Variants in NBEA observed in about 807,000 individuals in gnomAD.
NBEA encodes the protein lysosomal-trafficking regulator 2.
A neutral mutation model predicts 343.4 loss-of-function variants in NBEA; 44 were observed. That is an observed-to-expected ratio of 0.13 (90% CI 0.10 to 0.16). The LOEUF (loss-of-function observed/expected upper bound fraction) is 0.16, where lower values mean the gene tolerates loss of function less well. Among genes scored for constraint, NBEA ranks in the 10% least tolerant of loss-of-function variants. NBEA has a pLI of 1.00. For missense variants in NBEA, 2,555 were observed against 3,631.3 expected (o/e 0.70, Z 7.62); for synonymous variants, 1,175 against 1,238.7 (o/e 0.95, Z 1.08).
chr13:35,364,053 A>G (rs915599678), intron 38 of NBEA, among the ~76,000 whole-genome samples: 1 of 151,926 alleles, frequency 6.6e-6, no homozygotes, highest in Non-Finnish European at 1.5e-5. Flanking sequence ...GTCTACCAGG[A>G]AGTTGAAAAT....
chr13:35,594,796 T>A (rs1369876182), intron 47 of NBEA, among the ~76,000 whole-genome samples: 1 of 152,050 alleles, frequency 6.6e-6, no homozygotes, highest in Non-Finnish European at 1.5e-5. Flanking sequence ...TAAAAGGCAC[T>A]CAAATATTTT....
chr13:35,463,181 A>G (rs1483483879), intron 40 of NBEA, among the ~76,000 whole-genome samples: 1 of 152,232 alleles, frequency 6.6e-6, no homozygotes, highest in African/African-American at 2.4e-5. Context: ...GTAGTAAGAG[A>G]AAAGGAAAGA....
At chr13:35,663,833 G>A (rs2085219523) in intron 55 of NBEA, among the ~76,000 whole-genome samples, 1 of 152,208 alleles carries the variant, frequency 6.6e-6, no homozygotes, top group Non-Finnish European at 1.5e-5. Flanking sequence ...GTATTCAGAA[G>A]AAGATGGCAA....
intron 1 of NBEA, among the ~76,000 whole-genome samples, chr13:34,977,643 C>T (rs2060225656): frequency 2.6e-5 from 4 of 152,072 alleles, no homozygotes; most frequent in Admixed American, 2.6e-4. Context: ...AGAATAGATG[C>T]TAACATTAAT....
chr13:35,572,651 A>G (rs1045774352), intron 45 of NBEA, among the ~76,000 whole-genome samples: 4 of 152,176 alleles, frequency 2.6e-5, no homozygotes, highest in African/African-American at 9.7e-5. Context: ...TCTACCACAC[A>G]GAAAAGAGTT....
Position 34,942,782 on chromosome 13 carries a change from A to G in NBEA, c.-39A>G. 1.5e-6 allele frequency: 2 copies of G among 1,299,190 alleles called. No individual in the cohort carries two copies. The highest frequency in any genetic ancestry group is 2.0e-6 in the Non-Finnish European group (2 of 1,023,502). The allele number at this position is 1,299,190 out of a possible 1,614,324, so 80.5% of individuals were successfully genotyped here. ...CAGGTATAACGGTACCGGCGGCGGC[A>G]GCGCCGCTGCTCTTCCCTTCTCCTC... On this transcript the variant is annotated 5_prime_UTR_variant, in exon 1 of 59. Coordinates refer to ENST00000379939, the MANE Select transcript of NBEA (RefSeq NM_001385012.1).
At chr13:35,424,422 T>A (rs528406447) in intron 38 of NBEA, among the ~76,000 whole-genome samples, 1 of 152,344 alleles carries the variant, frequency 6.6e-6, no homozygotes, top group Admixed American at 6.5e-5. Context: ...GGTTTTTGTC[T>A]TTGGTTCTGT....
rs140381221 is a variant in NBEA at position 35,598,723 on chromosome 13, A to C, written c.7296+5276A>C. On this transcript the variant is annotated intron_variant, in intron 47 of 58. Coordinates refer to ENST00000379939, the MANE Select transcript of NBEA (RefSeq NM_001385012.1). Reference sequence around the variant, plus strand: ...CTGTGTAGCTGAGCAAGTCTGAAAAACACTACCTGAAATTTTAACTTTTAT... The same window carrying C: ...CTGTGTAGCTGAGCAAGTCTGAAAACCACTACCTGAAATTTTAACTTTTAT... Among the ~76,000 whole-genome samples, 556 of 152,260 alleles carry C rather than the reference A, an allele frequency of 3.7e-3. 1 individual carries two copies. Among genetic ancestry groups the C allele is most frequent in the African/African-American group, 0.013 (528 of 41,546 alleles).
At chr13:35,616,504 G>A (rs1407879734) in intron 48 of NBEA, among the ~76,000 whole-genome samples, 1 of 152,048 alleles carries the variant, frequency 6.6e-6, no homozygotes, top group Non-Finnish European at 1.5e-5. Flanking sequence ...TCAATACACA[G>A]GTTTTCTTTT....
In NBEA at chr13:35,098,723, C is replaced by T. The variant is rs895393598; in HGVS notation, c.1680+318C>T. On this transcript the variant is annotated intron_variant, in intron 11 of 58. Coordinates refer to ENST00000379939, the MANE Select transcript of NBEA (RefSeq NM_001385012.1). ...TCTCACTTTCTAAGGTGTCACTTACCCATGGTCAACTGCAGTTCAAAAATA... is the reference window on the plus strand; with the variant it reads ...TCTCACTTTCTAAGGTGTCACTTACTCATGGTCAACTGCAGTTCAAAAATA... Among the ~76,000 whole-genome samples, 8 of 152,126 alleles carry T rather than the reference C, an allele frequency of 5.3e-5. No individual in the cohort carries two copies. In the East Asian group the frequency reaches 1.4e-3, roughly 26 times the overall value.
chr13:35,570,266 C>G (rs1401702447), intron 45 of NBEA, among the ~76,000 whole-genome samples: 1 of 152,160 alleles, frequency 6.6e-6, no homozygotes, highest in East Asian at 1.9e-4. Context: ...GAACTCCTGA[C>G]CTTGTGATCT....
intron 17 of NBEA, among the ~76,000 whole-genome samples, chr13:35,137,297 A>G (rs1373770717): frequency 6.6e-6 from 1 of 152,090 alleles, no homozygotes; most frequent in East Asian, 1.9e-4. Context: ...AAAAATACAA[A>G]CAATTAGCTG....
In NBEA at chr13:35,155,858, G is replaced by A. The variant is rs762561108; in HGVS notation, c.2527+3G>A. The stretch of plus-strand genomic sequence containing the variant: ...TACAGTGAAAATTCAGAATCCAAGT[G>A]AGCAAATGGCAGTTCTTTACTGTAT... On this transcript the variant is annotated splice_donor_region_variant and intron_variant, in intron 19 of 58. Coordinates refer to ENST00000379939, the MANE Select transcript of NBEA (RefSeq NM_001385012.1). 8 of 1,608,464 alleles carry A rather than the reference G, an allele frequency of 5.0e-6. No individual in the cohort carries two copies. In the South Asian group the frequency reaches 7.7e-5, roughly 15 times the overall value.
intron 49 of NBEA, among the ~76,000 whole-genome samples, chr13:35,642,330 T>C (rs1287486504): frequency 6.6e-6 from 1 of 152,198 alleles, no homozygotes; most frequent in Non-Finnish European, 1.5e-5. Flanking sequence ...GATAGCATAT[T>C]TTACTTATTA....
chr13:35,635,607 A>C (rs2083659306), intron 49 of NBEA, among the ~76,000 whole-genome samples: 2 of 152,244 alleles, frequency 1.3e-5, no homozygotes, highest in Non-Finnish European at 2.9e-5. Context: ...TGGGAACATG[A>C]AAAATACCAT....
In NBEA at chr13:35,096,944, T is replaced by A. The variant is rs1157705842; in HGVS notation, c.1572-1353T>A. ...TTAAGGACAAAGTAAAAGAATATCATTGATTTGTGATAGTTTACTTTTTTT... is the reference window on the plus strand; with the variant it reads ...TTAAGGACAAAGTAAAAGAATATCAATGATTTGTGATAGTTTACTTTTTTT... On this transcript the variant is annotated intron_variant, in intron 10 of 58. Transcript: ENST00000379939. Among the ~76,000 whole-genome samples the A allele has an allele frequency of 2.6e-5, 4 of 151,936 alleles. No individual in the cohort carries two copies. In the East Asian group the frequency reaches 5.8e-4, roughly 22 times the overall value.
chr13:35,208,536 A>G (rs924038706), intron 31 of NBEA, among the ~76,000 whole-genome samples, 164 bp from the exon 32 acceptor site: 2 of 152,190 alleles, frequency 1.3e-5, no homozygotes, highest in African/African-American at 2.4e-5. Context: ...CTTAATGTCC[A>G]TATCCTTTCC....
chr13:35,619,960 A>G (rs1310937717), intron 48 of NBEA, among the ~76,000 whole-genome samples: 1 of 152,180 alleles, frequency 6.6e-6, no homozygotes, highest in Non-Finnish European at 1.5e-5. Flanking sequence ...TTCCGTAATT[A>G]TGAAGGGGCT....
intron 27 of NBEA, among the ~76,000 whole-genome samples, chr13:35,175,735 T>C (rs1255870197): frequency 6.6e-6 from 1 of 152,130 alleles, no homozygotes; most frequent in African/African-American, 2.4e-5. Context: ...TTTTTTTCCT[T>C]CCTGTGTTAT....
Sources: gnomAD v4.1 joint callset for allele counts (sites outside exome capture counted in the v4.1 genomes callset) on GRCh38, gnomAD v4.1.1 for gene constraint, MANE v1.5 for transcripts, NCBI Gene and HGNC (gene_info 2026-07-23, HGNC 2026-07-21) for gene names.